HIVEP1: variants seen among roughly 807,000 people sequenced by gnomAD.
The protein encoded by HIVEP1 is zinc finger protein 40.
A neutral mutation model predicts 180.0 loss-of-function variants in HIVEP1; 36 were observed. The ratio of observed to expected loss-of-function variants is 0.20; its 90% CI spans 0.15 to 0.26. The LOEUF (loss-of-function observed/expected upper bound fraction) is 0.26. Ranked by LOEUF, HIVEP1 falls within the 10% of genes least tolerant of loss-of-function variation. The probability of loss-of-function intolerance (pLI) is 1.00; values close to 1 mark genes in which losing one functional copy is unlikely to be tolerated. For missense variants in HIVEP1, 3,143 were observed against 3,268.7 expected (o/e 0.96, Z 0.94); for synonymous variants, 1,239 against 1,239.0 (o/e 1.00, Z 0.00).
chr6:12,086,025 T>TA (rs1422216243), intron 2 of HIVEP1, among the ~76,000 whole-genome samples: 1 of 152,182 alleles, frequency 6.6e-6, no homozygotes, highest in African/African-American at 2.4e-5. Flanking sequence ...ATTTTTAATT[T>TA]AAGGTATCAC....
At position 12,019,858 on chromosome 6, in the gene HIVEP1, G is replaced by C. The variant is rs1315978025; in HGVS notation, c.40+4190G>C. ...CTTTCAGGAATGTGAATTTTACTTG[G>C]GGAAAAATACGTATACTTGTCTGTG... On this transcript the variant is annotated intron_variant, in intron 2 of 8. Transcript: ENST00000379388. 9.2e-5 allele frequency among the ~76,000 whole-genome samples: 14 copies of C among 152,066 alleles called. No individual in the cohort carries two copies. The East Asian group carries it at 2.7e-3, about 29-fold the overall frequency.
At chr6:12,167,243 C>A (rs1408005240), downstream of HIVEP1, among the ~76,000 whole-genome samples, 2 of 151,818 alleles carry the variant, frequency 1.3e-5, no homozygotes, top group Non-Finnish European at 2.9e-5. Context: ...GGAAAATAAT[C>A]ATTATTTTTG....
the HIVEP1 span, among the ~76,000 whole-genome samples, chr6:12,188,202 C>A: frequency 2.0e-5 from 3 of 152,260 alleles, no homozygotes; most frequent in South Asian, 6.2e-4. Flanking sequence ...CAAGCCACAA[C>A]CAAATGGGGT....
At chr6:12,207,755 A>AATAATAAT in the HIVEP1 span, among the ~76,000 whole-genome samples, 1 of 148,814 alleles carries the variant, frequency 6.7e-6, no homozygotes, top group Non-Finnish European at 1.5e-5. Flanking sequence ...TAATAATAAT[A>AATAATAAT]ATAATAATAA....
chr6:12,197,993 G>A, the HIVEP1 span, among the ~76,000 whole-genome samples: 1 of 152,210 alleles, frequency 6.6e-6, no homozygotes, highest in East Asian at 1.9e-4. Flanking sequence ...CCAGTTGGCT[G>A]GACGTGGGTG....
Position 12,122,664 on chromosome 6 carries a change from A to G in HIVEP1, c.2869A>G (p.Thr957Ala). Residue 957 changes from threonine (T) to alanine (A), a missense_variant, in exon 4 of 9, where the codon ACA (threonine) becomes GCA (alanine). Coordinates refer to ENST00000379388, the MANE Select transcript of HIVEP1 (RefSeq NM_002114.4). ...AAAGAAGTCTCATCAAGGGCGAGGG[A>G]CAATGTTTGAGTGTGAAACTTGTAG... ...EKKKSHQGRG[T>A]MFECETCRNR... 3 of 1,614,206 alleles carry G rather than the reference A, an allele frequency of 1.9e-6. No individual in the cohort carries two copies. In the East Asian group the frequency reaches 6.7e-5, roughly 36 times the overall value.
At position 12,080,325 on chromosome 6, in the gene HIVEP1, G is replaced by A. The variant is rs561506388; in HGVS notation, c.41-8859G>A. ...GTGTGCTCAACCATAAAAGACAGTG[G>A]TCTTCCTAGCATCTTCTATGGGTAA... On this transcript the variant is annotated intron_variant, in intron 2 of 8. Transcript: ENST00000379388. Among the ~76,000 whole-genome samples, 28 of 152,206 alleles carry A rather than the reference G, an allele frequency of 1.8e-4. 1 individual carries two copies. In the South Asian group the frequency reaches 5.4e-3, roughly 29 times the overall value.
rs533589364 is a variant in HIVEP1 at position 12,060,307 on chromosome 6, A to T, written c.41-28877A>T. 2.4e-4 allele frequency among the ~76,000 whole-genome samples: 37 copies of T among 152,352 alleles called. No individual in the cohort carries two copies. In the South Asian group the frequency reaches 6.0e-3, roughly 25 times the overall value. On this transcript the variant is annotated intron_variant, in intron 2 of 8. Coordinates refer to ENST00000379388, the MANE Select transcript of HIVEP1 (RefSeq NM_002114.4). The stretch of plus-strand genomic sequence containing the variant: ...GCCATATGAAGTGTAACTAGCCATT[A>T]TATTTGCTTCTTTAAATATATATCT...
the HIVEP1 span, among the ~76,000 whole-genome samples, chr6:12,202,377 G>A: frequency 5.3e-5 from 8 of 152,040 alleles, no homozygotes; most frequent in South Asian, 2.1e-4. Context: ...GGGCTCAAGC[G>A]ATCCTCCTGT....
At position 12,121,650 on chromosome 6, in the gene HIVEP1, A is replaced by G; in HGVS notation, c.1855A>G (p.Asn619Asp). Reference protein sequence around the residue: ...SQGGVSRLETNENSHQKGDMN... With the variant: ...SQGGVSRLETDENSHQKGDMN... ...GGGTGGAGTCTCCAGGTTGGAGACTAATGAGAATTCCCACCAGAAAGGCGA... is the reference window on the plus strand; with the variant it reads ...GGGTGGAGTCTCCAGGTTGGAGACTGATGAGAATTCCCACCAGAAAGGCGA... The change falls in exon 4 of 9, where the codon AAT (asparagine) becomes GAT (aspartate). Residue 619 changes from asparagine to aspartate, a missense_variant. Physicochemically the swap from Asn to Asp is conservative, Grantham distance 23. Transcript: ENST00000379388. The surrounding 1 kb of genome is among the most constrained non-coding windows in gnomAD (Gnocchi z 5.3). 6.2e-7 allele frequency: 1 copy of G among 1,614,120 alleles called. No homozygotes were observed. The highest frequency in any genetic ancestry group is 8.5e-7 in the Non-Finnish European group (1 of 1,179,992).
upstream of HIVEP1, chr6:12,012,184 C>T (rs1246822766): frequency 7.0e-6 from 1 of 143,230 alleles, no homozygotes. Context: ...GCCGTGGCTC[C>T]GGGCGCCGGC....
chr6:12,183,746 A>T, the HIVEP1 span, among the ~76,000 whole-genome samples: 1 of 152,166 alleles, frequency 6.6e-6, no homozygotes, highest in Non-Finnish European at 1.5e-5. Flanking sequence ...TCTAATATTC[A>T]TATATAAGCC....
At chr6:12,167,647 A>ATG (rs1562023646), downstream of HIVEP1, among the ~76,000 whole-genome samples, 13 of 95,256 alleles carry the variant, frequency 1.4e-4, no homozygotes, top group South Asian at 2.9e-4. Context: ...ATACATATAC[A>ATG]TATATATGTT....
chr6:12,110,991 A>G (rs115622149), intron 3 of HIVEP1, among the ~76,000 whole-genome samples: 1 of 152,352 alleles, frequency 6.6e-6, no homozygotes, highest in Admixed American at 6.5e-5. Flanking sequence ...GGTAATAGGC[A>G]GGTCCAAGGA....
the HIVEP1 span, among the ~76,000 whole-genome samples, chr6:12,177,245 C>T: frequency 7.9e-5 from 12 of 152,248 alleles, no homozygotes; most frequent in South Asian, 2.5e-3. Context: ...ATGAAATAAT[C>T]TGTACAACAA....
chr6:12,009,819 C>T (rs1273040172), upstream of HIVEP1, among the ~76,000 whole-genome samples: 1 of 152,214 alleles, frequency 6.6e-6, no homozygotes, highest in Non-Finnish European at 1.5e-5. Context: ...CGGTTTGCTG[C>T]TCAAGGAAAT....
chr6:12,074,130 A>G (rs1396029330), intron 2 of HIVEP1, among the ~76,000 whole-genome samples: 1 of 152,234 alleles, frequency 6.6e-6, no homozygotes, highest in African/African-American at 2.4e-5. Flanking sequence ...AAATATTTTC[A>G]TCTCCACTAA....
intron 2 of HIVEP1, among the ~76,000 whole-genome samples, chr6:12,017,095 T>C (rs1428032130): frequency 6.6e-6 from 1 of 152,264 alleles, no homozygotes; most frequent in East Asian, 1.9e-4. Flanking sequence ...TTAAACATTT[T>C]TCATATTTAA....
chr6:12,209,794 T>C, the HIVEP1 span, among the ~76,000 whole-genome samples: 1 of 152,218 alleles, frequency 6.6e-6, no homozygotes, highest in Non-Finnish European at 1.5e-5. Flanking sequence ...AATTACTTCA[T>C]GGTTAAAATA....
Sources: gnomAD v4.1 joint callset for allele counts (sites outside exome capture counted in the v4.1 genomes callset) on GRCh38, gnomAD v4.1.1 for gene constraint, Gnocchi (gnomAD v3.1) non-coding constraint, MANE v1.5 for transcripts, NCBI Gene and HGNC (gene_info 2026-07-23, HGNC 2026-07-21) for gene names.